Variants in RFX7 observed in about 807,000 individuals in gnomAD.
RFX7 encodes the protein DNA-binding protein RFX7.
Under a neutral mutation model 111.8 loss-of-function variants are expected in RFX7, and 26 were observed. The observed-to-expected ratio is 0.23, with a 90% CI of 0.17 to 0.32. The LOEUF is 0.32. RFX7 is among the 10% of genes least tolerant of loss of function. The pLI is 1.00. For synonymous variants in RFX7, 624 were observed against 624.4 expected (o/e 1.00, Z 0.01); for missense variants, 1,573 against 1,772.9 (o/e 0.89, Z 2.02).
At chr15:56,167,972 T>G (rs2042802459) in intron 3 of RFX7, among the ~76,000 whole-genome samples, 1 of 152,228 alleles carries the variant, frequency 6.6e-6, no homozygotes, top group Admixed American at 6.5e-5. Context: ...CAGATTACTT[T>G]CTATTTGGAA....
intron 5 of RFX7, among the ~76,000 whole-genome samples, chr15:56,106,208 C>G (rs1350471819): frequency 1.3e-5 from 2 of 152,142 alleles, no homozygotes; most frequent in Non-Finnish European, 2.9e-5. Flanking sequence ...TTTTTCAATA[C>G]AATTTATATT....
chr15:56,149,785 G>A (rs141598831), intron 3 of RFX7, among the ~76,000 whole-genome samples: 20 of 151,728 alleles, frequency 1.3e-4, no homozygotes, highest in Admixed American at 5.2e-4. Context: ...GGCAGACACC[G>A]AACTAGATGC....
intron 2 of RFX7, among the ~76,000 whole-genome samples, chr15:56,220,910 T>C (rs1431870102): frequency 6.6e-6 from 1 of 152,244 alleles, no homozygotes; most frequent in Non-Finnish European, 1.5e-5. Context: ...TAGCCAGTTA[T>C]CCTAGCAACA....
chr15:56,194,201 T>C (rs1365883891), intron 2 of RFX7, among the ~76,000 whole-genome samples: 1 of 152,186 alleles, frequency 6.6e-6, no homozygotes, highest in African/African-American at 2.4e-5. Context: ...GTTTAGCCTC[T>C]ATCCAAAAGT....
intron 3 of RFX7, among the ~76,000 whole-genome samples, chr15:56,145,576 C>T (rs17819384): frequency 0.19 from 29,133 of 152,172 alleles, 3,112 homozygotes; most frequent in Middle Eastern, 0.26. Context: ...CTAATGTTAT[C>T]AGCTATACCC....
intron 2 of RFX7, among the ~76,000 whole-genome samples, chr15:56,240,449 C>A (rs549954129): frequency 6.6e-6 from 1 of 152,092 alleles, no homozygotes; most frequent in South Asian, 2.1e-4. Context: ...TTTCCAGACT[C>A]ATTTAATGCC....
chr15:56,132,406 A>C (rs1286381164), intron 5 of RFX7, among the ~76,000 whole-genome samples: 1 of 152,050 alleles, frequency 6.6e-6, no homozygotes, highest in Non-Finnish European at 1.5e-5. Context: ...TGAGTCCAGA[A>C]GCCTTTAGTA....
chr15:56,237,363 C>G (rs1238526457), intron 2 of RFX7, among the ~76,000 whole-genome samples: 4 of 152,206 alleles, frequency 2.6e-5, no homozygotes, highest in Non-Finnish European at 5.9e-5. Flanking sequence ...ATGCCAGTCT[C>G]TGGCATACTT....
In RFX7 at chr15:56,126,397, T is replaced by C. The variant is rs2042146051; in HGVS notation, c.401+16381A>G. 2.0e-5 allele frequency among the ~76,000 whole-genome samples: 3 copies of C among 152,212 alleles called. 1 individual carries two copies. The highest frequency in any genetic ancestry group is 7.2e-5 in the African/African-American group (3 of 41,456). ...CAGTGCAGTCTTGTGTTCACTGAAATAAAGTAGTTGGAGTGTTTTGCAAAT... is the reference window on the plus strand; with the variant it reads ...CAGTGCAGTCTTGTGTTCACTGAAACAAAGTAGTTGGAGTGTTTTGCAAAT... On this transcript the variant is annotated intron_variant, in intron 5 of 9. Coordinates refer to ENST00000559447, the MANE Select transcript of RFX7 (RefSeq NM_022841.7).
intron 2 of RFX7, among the ~76,000 whole-genome samples, chr15:56,213,123 T>G (rs1390677414): frequency 1.3e-5 from 2 of 152,174 alleles, no homozygotes; most frequent in Non-Finnish European, 2.9e-5. Flanking sequence ...CTTTAGGAAA[T>G]TAAACTTGCA....
At chr15:56,208,803 T>C (rs1328091891) in intron 2 of RFX7, among the ~76,000 whole-genome samples, 2 of 152,060 alleles carry the variant, frequency 1.3e-5, no homozygotes, top group African/African-American at 4.8e-5. Context: ...GGTTAGAATC[T>C]CAGCTTGAGG....
chr15:56,137,304 G>GTC (rs1470167511), intron 5 of RFX7, among the ~76,000 whole-genome samples: 1 of 152,156 alleles, frequency 6.6e-6, no homozygotes, highest in Admixed American at 6.5e-5. Flanking sequence ...CCTGTTATTG[G>GTC]TCTATTCAGA....
At chr15:56,159,501 A>AT (rs1292361255) in intron 3 of RFX7, among the ~76,000 whole-genome samples, 1 of 152,126 alleles carries the variant, frequency 6.6e-6, no homozygotes, top group Non-Finnish European at 1.5e-5. Context: ...GGCAGATACT[A>AT]TTTTTTCCTA....
In RFX7 at chr15:56,201,652, T is replaced by C. The variant is rs1225979173; in HGVS notation, c.162-22349A>G. ...TTCCTGTGCCTAAAGCATAATTCTA[T>C]GTAGGAATGTCTGGTAGTAGTCTCT... On this transcript the variant is annotated intron_variant, in intron 2 of 9. Coordinates refer to ENST00000559447, the MANE Select transcript of RFX7 (RefSeq NM_022841.7). Among the ~76,000 whole-genome samples, 7 of 152,198 alleles carry C rather than the reference T, an allele frequency of 4.6e-5. No individual in the cohort carries two copies. In the East Asian group the frequency reaches 9.6e-4, roughly 21 times the overall value.
intron 2 of RFX7, among the ~76,000 whole-genome samples, chr15:56,240,533 CTT>C (rs2043677413): frequency 6.6e-6 from 1 of 152,034 alleles, no homozygotes; most frequent in African/African-American, 2.4e-5. Context: ...GAACTGATAA[CTT>C]ATTGTCCAAA....
At chr15:56,133,475 C>G (rs1185913608) in intron 5 of RFX7, among the ~76,000 whole-genome samples, 1 of 151,978 alleles carries the variant, frequency 6.6e-6, no homozygotes, top group Non-Finnish European at 1.5e-5. Flanking sequence ...TAAAAGGATA[C>G]TTCATATTAA....
intron 2 of RFX7, among the ~76,000 whole-genome samples, chr15:56,225,941 A>T (rs967722584): frequency 6.6e-6 from 1 of 152,186 alleles, no homozygotes; most frequent in African/African-American, 2.4e-5. Flanking sequence ...TTTATAAATT[A>T]TATGAATAAC....
chr15:56,111,581 C>T (rs1207694105), intron 5 of RFX7, among the ~76,000 whole-genome samples: 2 of 150,128 alleles, frequency 1.3e-5, no homozygotes, highest in Admixed American at 1.3e-4. Flanking sequence ...CTGACCTTCC[C>T]TCCACTATTG....
Position 56,094,354 on chromosome 15 carries a change from G to A in RFX7, c.3374C>T (p.Ser1125Phe), listed in dbSNP as rs1391006288. 1 of 1,613,984 alleles carries A rather than the reference G, an allele frequency of 6.2e-7. No homozygotes were observed. The highest frequency in any genetic ancestry group is 1.3e-5 in the African/African-American group (1 of 75,042). Residue 1125 changes from serine (S) to phenylalanine (F), a missense_variant, in exon 10 of 10, where the codon TCT becomes TTT. Physicochemically the swap from Ser to Phe is radical, Grantham distance 155. This residue lies in a region of RFX7 where 411 missense variants were observed against 478.1 expected (regional missense o/e 0.86). Transcript: ENST00000559447. ...DTHFGRLTPV[S>F]PVQHQGATVN... is the part of the protein sequence containing the mutation. ...AGTGGCACCTTGATGCTGCACAGGA[G>A]AGACAGGAGTCAAACGACCAAAATG...
Sources: allele counts gnomAD v4.1 joint callset (sites outside exome capture counted in the v4.1 genomes callset), GRCh38; gene constraint gnomAD v4.1.1; regional missense constraint gnomAD v4.1.1; transcripts MANE v1.5; gene names NCBI Gene and HGNC (gene_info 2026-07-23, HGNC 2026-07-21).